CNTNAP5: variants seen among roughly 807,000 people sequenced by gnomAD.
CNTNAP5 encodes the protein contactin associated protein family member 5.
A neutral mutation model predicts 150.2 loss-of-function variants in CNTNAP5; 72 were observed. The observed-to-expected ratio is 0.48, with a 90% CI of 0.40 to 0.58. The LOEUF (loss-of-function observed/expected upper bound fraction) is 0.58. Ranked by LOEUF, CNTNAP5 falls within the 20% of genes least tolerant of loss-of-function variation. CNTNAP5 has a pLI of 0.00. For missense variants in CNTNAP5, 1,636 were observed against 1,626.2 expected (o/e 1.01, Z -0.10); for synonymous variants, 672 against 619.8 (o/e 1.08, Z -1.25).
intron 13 of CNTNAP5, among the ~76,000 whole-genome samples, chr2:124,733,132 CATG>C (rs1222600629): frequency 2.6e-5 from 4 of 151,498 alleles, no homozygotes; most frequent in African/African-American, 9.7e-5. Flanking sequence ...TTAATACCTC[CATG>C]TGTATATTCT....
intron 1 of CNTNAP5, among the ~76,000 whole-genome samples, chr2:124,164,729 A>G (rs1404263454): frequency 6.6e-6 from 1 of 152,166 alleles, no homozygotes; most frequent in Non-Finnish European, 1.5e-5. Flanking sequence ...TAAATCACAT[A>G]AGGAAATGTG....
intron 7 of CNTNAP5, among the ~76,000 whole-genome samples, chr2:124,483,340 C>T (rs1318368909): frequency 6.6e-6 from 1 of 152,102 alleles, no homozygotes; most frequent in Non-Finnish European, 1.5e-5. Context: ...GAGCTTGGGA[C>T]CAGTGGCTAC....
chr2:124,683,785 C>A (rs1002990800), intron 13 of CNTNAP5, among the ~76,000 whole-genome samples: 2 of 152,122 alleles, frequency 1.3e-5, no homozygotes, highest in African/African-American at 4.8e-5. Context: ...CACTTTTCTA[C>A]CCTCTTCAAG....
intron 17 of CNTNAP5, among the ~76,000 whole-genome samples, chr2:124,782,527 A>G (rs935978255): frequency 1.3e-5 from 2 of 152,250 alleles, no homozygotes; most frequent in African/African-American, 4.8e-5. Flanking sequence ...CATAGGTAGA[A>G]ATGGAAAGTG....
chr2:124,600,546 G>A (rs575240038), intron 11 of CNTNAP5, among the ~76,000 whole-genome samples: 41 of 152,238 alleles, frequency 2.7e-4, no homozygotes, highest in Admixed American at 1.5e-3. Context: ...TGCACCTGCC[G>A]CATCTCATGT....
At chr2:124,069,368 G>A (rs984387681) in intron 1 of CNTNAP5, among the ~76,000 whole-genome samples, 7 of 152,146 alleles carry the variant, frequency 4.6e-5, no homozygotes, top group African/African-American at 7.2e-5. Context: ...ACTTGAATAC[G>A]TGGCTCCAAG....
chr2:124,761,981 T>C (rs932127911), intron 14 of CNTNAP5, among the ~76,000 whole-genome samples: 1 of 151,996 alleles, frequency 6.6e-6, no homozygotes, highest in Non-Finnish European at 1.5e-5. Context: ...ACCTTGAAAA[T>C]GGAAATGGAG....
intron 5 of CNTNAP5, among the ~76,000 whole-genome samples, chr2:124,440,669 ATTTC>A (rs1272458378): frequency 6.6e-6 from 1 of 152,108 alleles, no homozygotes; most frequent in African/African-American, 2.4e-5. Context: ...AAATTGTTAT[ATTTC>A]TTAGGGCCTT....
At position 124,419,150 on chromosome 2, in the gene CNTNAP5, A is replaced by AC. The variant is rs1558893391; in HGVS notation, c.529+1560_529+1561insC. Reference sequence around the variant, plus strand: ...AGCGAGACTCCTTCTCAAAAAAAAAAAAAAAAAAAAAAACAGTATGAAGCT... The same window carrying AC: ...AGCGAGACTCCTTCTCAAAAAAAAAACAAAAAAAAAAAAACAGTATGAAGCT... On this transcript the variant is annotated intron_variant, in intron 4 of 23. Coordinates refer to ENST00000682447, the MANE Select transcript of CNTNAP5 (RefSeq NM_001367498.1). 1.4e-4 allele frequency among the ~76,000 whole-genome samples: 19 copies of AC among 137,726 alleles called. 1 individual carries two copies. Among genetic ancestry groups the AC allele is most frequent in the African/African-American group, 2.3e-4 (8 of 35,528 alleles). 90.4% of individuals were successfully genotyped at this position (137,726 alleles called of 152,430 possible). A position where few individuals can be genotyped will look rare whatever the true frequency, so the allele number is the denominator to read the frequency against.
chr2:124,073,510 A>G (rs1389176960), intron 1 of CNTNAP5, among the ~76,000 whole-genome samples: 1 of 152,090 alleles, frequency 6.6e-6, no homozygotes, highest in African/African-American at 2.4e-5. Flanking sequence ...AAACAATCCC[A>G]TAGGAAAGAT....
At chr2:124,335,833 G>A (rs770150411) in intron 3 of CNTNAP5, among the ~76,000 whole-genome samples, 4 of 151,900 alleles carry the variant, frequency 2.6e-5, no homozygotes, top group Non-Finnish European at 5.9e-5. Flanking sequence ...CAACTATGCC[G>A]GATTTGCAGG....
At chr2:124,127,502 T>G (rs1456419036) in intron 1 of CNTNAP5, among the ~76,000 whole-genome samples, 1 of 152,116 alleles carries the variant, frequency 6.6e-6, no homozygotes, top group Non-Finnish European at 1.5e-5. Context: ...ATTTATAGAT[T>G]TAATGCCATC....
intron 19 of CNTNAP5, among the ~76,000 whole-genome samples, chr2:124,838,954 C>A (rs1682886418): frequency 6.6e-6 from 1 of 152,102 alleles, no homozygotes; most frequent in South Asian, 2.1e-4. Flanking sequence ...CTTCCCAGAG[C>A]TCACATTTGA....
At chr2:124,809,748 G>A (rs570101478) in intron 19 of CNTNAP5, among the ~76,000 whole-genome samples, 93 of 152,110 alleles carry the variant, frequency 6.1e-4, no homozygotes, top group African/African-American at 2.2e-3. Flanking sequence ...AAAATCAGAG[G>A]GTCAAAATGT....
At chr2:124,523,255 A>G (rs1239247119) in intron 8 of CNTNAP5, among the ~76,000 whole-genome samples, 1 of 152,218 alleles carries the variant, frequency 6.6e-6, no homozygotes. Context: ...AAGTACAAAC[A>G]TTGTCCTCTT....
At chr2:124,867,611 A>G (rs1348734433) in intron 20 of CNTNAP5, among the ~76,000 whole-genome samples, 1 of 151,668 alleles carries the variant, frequency 6.6e-6, no homozygotes, top group Admixed American at 6.6e-5. Flanking sequence ...TTAGTTGCTC[A>G]CTCTTGTCTC....
At chr2:124,417,760 C>G (rs188271872) in intron 4 of CNTNAP5, among the ~76,000 whole-genome samples, 170 bp downstream of exon 4, 1 of 152,192 alleles carries the variant, frequency 6.6e-6, no homozygotes, top group African/African-American at 2.4e-5. Context: ...AAAAAACATT[C>G]TACTTAGGAC....
intron 13 of CNTNAP5, among the ~76,000 whole-genome samples, chr2:124,681,242 T>G (rs1227599410): frequency 1.4e-5 from 2 of 145,066 alleles, no homozygotes; most frequent in African/African-American, 5.2e-5. Context: ...GCGGAGGTTG[T>G]AGTGAGCTGA....
At chr2:124,105,700 T>TA (rs1332925615) in intron 1 of CNTNAP5, among the ~76,000 whole-genome samples, 1 of 152,226 alleles carries the variant, frequency 6.6e-6, no homozygotes, top group African/African-American at 2.4e-5. Context: ...GTGGTTGTTT[T>TA]AACATATTGT....
Sources: gnomAD v4.1 joint callset for allele counts (sites outside exome capture counted in the v4.1 genomes callset) on GRCh38, gnomAD v4.1.1 for gene constraint, MANE v1.5 for transcripts, NCBI Gene and HGNC (gene_info 2026-07-23, HGNC 2026-07-21) for gene names.